FRYL: variants seen among roughly 807,000 people sequenced by gnomAD.
The protein encoded by FRYL is FRY like transcription coactivator.
A neutral mutation model predicts 351.2 loss-of-function variants in FRYL; 150 were observed. The ratio of observed to expected loss-of-function variants is 0.43; its 90% CI spans 0.37 to 0.49. FRYL has a LOEUF of 0.49. Ranked by LOEUF, FRYL falls within the 20% of genes least tolerant of loss-of-function variation. FRYL has a pLI of 0.00. For missense variants in FRYL, 3,036 were observed against 3,619.3 expected (o/e 0.84, Z 4.13); for synonymous variants, 1,153 against 1,257.1 (o/e 0.92, Z 1.75).
At chr4:48,577,027 T>A (rs1739778847) in intron 23 of FRYL, among the ~76,000 whole-genome samples, 1 of 152,200 alleles carries the variant, frequency 6.6e-6, no homozygotes, top group Admixed American at 6.5e-5. Flanking sequence ...ATTAACTATA[T>A]GCTATATCAA....
chr4:48,559,298 GTC>G (rs1040446065), intron 33 of FRYL, among the ~76,000 whole-genome samples: 1 of 151,808 alleles, frequency 6.6e-6, no homozygotes, highest in African/African-American at 2.4e-5. Flanking sequence ...GGAAGGAAGA[GTC>G]TGTCTGTGGG....
At chr4:48,645,154 A>ATATATATATATC (rs1373290711) in intron 3 of FRYL, among the ~76,000 whole-genome samples, 28 of 122,920 alleles carry the variant, frequency 2.3e-4, no homozygotes, top group Non-Finnish European at 3.7e-4. Flanking sequence ...ATATATATAT[A>ATATATATATATC]TCAGACTGGC....
chr4:48,548,327 ATACT>A (rs1306527581), intron 40 of FRYL, among the ~76,000 whole-genome samples: 1 of 152,190 alleles, frequency 6.6e-6, no homozygotes, highest in African/African-American at 2.4e-5. Context: ...CTTTTGGGAA[ATACT>A]TAGAACCTAT....
intron 43 of FRYL, 103 bp downstream of exon 43, chr4:48,544,680 T>C (rs1730957225): frequency 1.1e-6 from 1 of 891,450 alleles, no homozygotes; most frequent in South Asian, 2.5e-5. Context: ...TCTAAAACTT[T>C]TAGAGGTATC....
chr4:48,557,523 C>T lies in FRYL; in HGVS notation c.4055G>A (p.Arg1352Gln), dbSNP rs150589993. The change falls in exon 34 of 64, where the codon CGG becomes CAG. Residue 1352 changes from arginine (R) to glutamine (Q), a missense_variant. Arg to Gln is a conservative substitution (Grantham distance 43). Coordinates refer to ENST00000358350, the MANE Select transcript of FRYL (RefSeq NM_015030.2). ...TTGTGGAGATCCCCATCCTTCTCCCCGTAACCAGCGCCTACTAGTCACCAT... is the reference window on the plus strand; with the variant it reads ...TTGTGGAGATCCCCATCCTTCTCCCTGTAACCAGCGCCTACTAGTCACCAT... ...ELMVTSRRWL[R>Q]GEGWGSPQAT... 22 of 1,614,122 alleles carry T rather than the reference C, an allele frequency of 1.4e-5. No individual in the cohort carries two copies. In the African/African-American group the frequency reaches 1.7e-4, roughly 13 times the overall value.
chr4:48,546,757 T>C (rs953971341), intron 41 of FRYL: 1 of 153,946 alleles, frequency 6.5e-6, no homozygotes, highest in African/African-American at 2.4e-5. Flanking sequence ...ATTTACAAAT[T>C]GGTAAGAGAA....
intron 1 of FRYL, among the ~76,000 whole-genome samples, chr4:48,773,738 C>T (rs367801684): frequency 1.3e-5 from 2 of 152,136 alleles, no homozygotes; most frequent in East Asian, 3.8e-4. Context: ...TCAGCCTAGG[C>T]AACATGGCAA....
chr4:48,700,396 C>T (rs975691408), intron 2 of FRYL, among the ~76,000 whole-genome samples: 5 of 152,222 alleles, frequency 3.3e-5, no homozygotes, highest in East Asian at 1.9e-4. Flanking sequence ...ATAAATCCTA[C>T]GTGAAATGCA....
intron 13 of FRYL, among the ~76,000 whole-genome samples, chr4:48,597,458 T>A (rs1430842975): frequency 6.6e-6 from 1 of 152,098 alleles, no homozygotes; most frequent in African/African-American, 2.4e-5. Context: ...AACAAATGTA[T>A]CACTCTGAAG....
intron 3 of FRYL, among the ~76,000 whole-genome samples, chr4:48,640,635 T>C (rs1343946136): frequency 6.6e-6 from 1 of 152,150 alleles, no homozygotes; most frequent in Non-Finnish European, 1.5e-5. Context: ...TTAACTGGAA[T>C]GTAAACTTTA....
At chr4:48,747,166 C>CCG (rs1408449320) in intron 1 of FRYL, among the ~76,000 whole-genome samples, 1 of 150,730 alleles carries the variant, frequency 6.6e-6, no homozygotes, top group Non-Finnish European at 1.5e-5. Context: ...CCCCTATCCC[C>CCG]CCCCAAAAAA....
chr4:48,682,369 C>G (rs1289267700), intron 3 of FRYL, among the ~76,000 whole-genome samples: 1 of 152,106 alleles, frequency 6.6e-6, no homozygotes, highest in Non-Finnish European at 1.5e-5. Flanking sequence ...TGGGCAAAGA[C>G]TTCATGACTA....
intron 1 of FRYL, among the ~76,000 whole-genome samples, chr4:48,723,789 A>G (rs1444189103): frequency 3.9e-5 from 6 of 152,000 alleles, no homozygotes; most frequent in African/African-American, 1.2e-4. Flanking sequence ...AACCAGAATG[A>G]TCTTTTAAAA....
intron 13 of FRYL, among the ~76,000 whole-genome samples, chr4:48,600,891 A>C (rs190249997): frequency 6.6e-6 from 1 of 152,338 alleles, no homozygotes; most frequent in East Asian, 1.9e-4. Context: ...GAATTTTCAT[A>C]AATAGTCAAA....
rs539335924 is a variant in FRYL, at chr4:48,502,767, A to G, written c.8481+61T>C. Reference sequence around the variant, plus strand: ...GCTGGGTCACAAATGGACAAATGGCAGATGAAAACCAGTTTGTCTGGCAAG... The same window carrying G: ...GCTGGGTCACAAATGGACAAATGGCGGATGAAAACCAGTTTGTCTGGCAAG... On this transcript the variant is annotated intron_variant, in intron 61 of 63. Coordinates refer to ENST00000358350, the MANE Select transcript of FRYL (RefSeq NM_015030.2). The G allele has an allele frequency of 7.6e-6, 10 of 1,323,166 alleles. No homozygotes were observed. The South Asian group carries it at 1.1e-4, about 15-fold the overall frequency. 82.0% of individuals were successfully genotyped at this position (1,323,166 alleles called of 1,614,324 possible).
At chr4:48,661,723 T>C (rs1440962205) in intron 3 of FRYL, among the ~76,000 whole-genome samples, 3 of 152,188 alleles carry the variant, frequency 2.0e-5, no homozygotes, top group African/African-American at 7.2e-5. Flanking sequence ...GTATTAAATG[T>C]GTCAAGGAGT....
At chr4:48,614,441 G>C (rs1748913817) in intron 7 of FRYL, among the ~76,000 whole-genome samples, 1 of 152,098 alleles carries the variant, frequency 6.6e-6, no homozygotes, top group African/African-American at 2.4e-5. Flanking sequence ...ATAGTAACTG[G>C]CTGGGTGCAA....
chr4:48,651,627 C>T (rs987393092), intron 3 of FRYL, among the ~76,000 whole-genome samples: 1 of 152,146 alleles, frequency 6.6e-6, no homozygotes, highest in South Asian at 2.1e-4. Flanking sequence ...GAAAGGAACA[C>T]GTTTTATACT....
At chr4:48,566,026 T>C (rs1287485425) in intron 28 of FRYL, among the ~76,000 whole-genome samples, 7 of 152,182 alleles carry the variant, frequency 4.6e-5, no homozygotes, top group East Asian at 1.9e-4. Flanking sequence ...TATGGTAAGA[T>C]TGGCCAAGAT....
Sources: gnomAD v4.1 joint callset for allele counts (sites outside exome capture counted in the v4.1 genomes callset) on GRCh38, gnomAD v4.1.1 for gene constraint, MANE v1.5 for transcripts, NCBI Gene and HGNC (gene_info 2026-07-23, HGNC 2026-07-21) for gene names.